FLG: variants seen among roughly 807,000 people sequenced by gnomAD.
The protein encoded by FLG is epidermal filaggrin.
In FLG, 6 loss-of-function variants were observed where a neutral mutation model predicts 3.8. The observed-to-expected ratio is 1.60, with a 90% CI of 0.87 to 3.15. The LOEUF (loss-of-function observed/expected upper bound fraction) is 3.15, where lower values mean the gene tolerates loss of function less well. FLG is among the 30% of genes most tolerant of loss of function. The probability of loss-of-function intolerance (pLI) is 0.00; values close to 1 mark genes in which losing one functional copy is unlikely to be tolerated. For missense variants in FLG, 7,595 were observed against 5,050.9 expected, an observed-to-expected ratio of 1.50 and a Z score of -15.27; for synonymous variants, 2,551 against 1,931.6, an observed-to-expected ratio of 1.32 and a Z score of -8.41.
rs111791016 is a variant in FLG at position 152,312,937 on chromosome 1, T to C, written c.1949A>G (p.Gln650Arg). The C allele has an allele frequency of 3.7e-4, 594 of 1,613,958 alleles. 9 individuals are homozygous for C. The African/African-American group carries it at 5.7e-3, about 15-fold the overall frequency. Residue 650 changes from glutamine (Q) to arginine (R), a missense_variant, in exon 3 of 3, where the codon CAG becomes CGG. Coordinates refer to ENST00000368799, the MANE Select transcript of FLG (RefSeq NM_002016.2). ...TCTGGAGCCATCTCTTGACTGCTCC[T>C]GAGCAGATCCATGATGGTTTCTGGA... ...SASRNHHGSA[Q>R]EQSRDGSRHP...
chr1:152,307,138 C>A lies in FLG; in HGVS notation c.7748G>T (p.Trp2583Leu), dbSNP rs768003809. Residue 2583 changes from tryptophan (W) to leucine (L), a missense_variant, in exon 3 of 3, where the codon TGG (tryptophan) becomes TTG (leucine). Transcript: ENST00000368799. ...SQGHSEDSER[W>L]SGSASRNHHG... The stretch of plus-strand genomic sequence containing the variant: ...ATGGTTTCTGGAAGCAGACCCAGAC[C>A]ACCTCTCAGAGTCTTCTGAGTGTCC... 7.4e-6 allele frequency: 12 copies of A among 1,612,372 alleles called. No individual in the cohort carries two copies. Among genetic ancestry groups the A allele is most frequent in the Non-Finnish European group, 8.5e-6 (10 of 1,179,944 alleles).
At position 152,305,255 on chromosome 1, in the gene FLG, G is replaced by T; in HGVS notation, c.9631C>A (p.Gln3211Lys). The change falls in exon 3 of 3, where the codon CAG becomes AAG. Residue 3211 changes from glutamine to lysine, a missense_variant. Physicochemically the swap from Gln to Lys is moderately conservative, Grantham distance 53 (BLOSUM62 1). Transcript: ENST00000368799. ...QSEGSRRSRR[Q>K]GSSVSQDSDS... ...CTGTCCTGGCTCACACTGGATCCCT[G>T]GCGCCTGCTTCTCCTGGACCCCTCT... The T allele has an allele frequency of 6.2e-7, 1 of 1,612,512 alleles. No individual in the cohort carries two copies. Among genetic ancestry groups the T allele is most frequent in the Non-Finnish European group, 8.5e-7 (1 of 1,179,728 alleles).
Position 152,302,708 on chromosome 1 carries a change from A to G in FLG, c.12178T>C (p.Tyr4060His). Residue 4060 changes from tyrosine to histidine, a missense_variant, in exon 3 of 3, where the codon TAT becomes CAT. Physicochemically the swap from Tyr to His is moderately conservative, Grantham distance 83. Transcript: ENST00000368799. Reference protein sequence around the residue: ...GFSQSQRYYYYE With the variant: ...GFSQSQRYYYHE ...CCTTTGCCATTAATTTCTTACTCAT[A>G]GTAATAGTATCTCTGTGACTGACTA... 1 of 1,613,584 alleles carries G rather than the reference A, an allele frequency of 6.2e-7. No individual in the cohort carries two copies. The highest frequency in any genetic ancestry group is 8.5e-7 in the Non-Finnish European group (1 of 1,179,572).
Position 152,312,894 on chromosome 1 carries a change from G to T in FLG, c.1992C>A (p.His664Gln), listed in dbSNP as rs113652604. ...AGTGCCCATGACCAGCTCTGTCTTC[G>T]TGATGGGACCTGGGGTGTCTGGAGC... ...RDGSRHPRSHHEDRAGHGHSA... is the reference protein window; with the variant it reads ...RDGSRHPRSHQEDRAGHGHSA... The change falls in exon 3 of 3, where the codon CAC becomes CAA. Residue 664 changes from histidine to glutamine, a missense_variant. Coordinates refer to ENST00000368799, the MANE Select transcript of FLG (RefSeq NM_002016.2). 9,136 of 1,613,922 alleles carry T rather than the reference G, an allele frequency of 5.7e-3. 460 individuals are homozygous for T. In the African/African-American group the frequency reaches 0.1, roughly 18 times the overall value.
Position 152,302,840 on chromosome 1 carries a change from T to C in FLG, c.12046A>G (p.Lys4016Glu). ...TGATCTTTACCAAACGCACTTGCTT[T>C]ACAGATATCAGATCTTTCCTTGAAA... ...VVFKERSDICKASAFGKDHPR... is the reference protein window; with the variant it reads ...VVFKERSDICEASAFGKDHPR... Residue 4016 changes from lysine to glutamate, a missense_variant, in exon 3 of 3, where the codon AAA becomes GAA. Physicochemically the swap from Lys to Glu is moderately conservative, Grantham distance 56 (BLOSUM62 1). Coordinates refer to ENST00000368799, the MANE Select transcript of FLG (RefSeq NM_002016.2). 1 of 1,614,214 alleles carries C rather than the reference T, an allele frequency of 6.2e-7. No homozygotes were observed. Among genetic ancestry groups the C allele is most frequent in the African/African-American group, 1.3e-5 (1 of 75,052 alleles).
chr1:152,311,762 C>T lies in FLG; in HGVS notation c.3124G>A (p.Asp1042Asn). 6.2e-7 allele frequency: 1 copy of T among 1,614,144 alleles called. No individual in the cohort carries two copies. Among genetic ancestry groups the T allele is most frequent in the Non-Finnish European group, 8.5e-7 (1 of 1,180,030 alleles). The stretch of plus-strand genomic sequence containing the variant: ...GGAATGCCTGAGTGTCTGGAGCTGT[C>T]TGCTGACTGCTGGTGGCGGGATCCG... ...RHGSRHQQSA[D>N]SSRHSGIPRR... Residue 1042 changes from aspartate to asparagine, a missense_variant, in exon 3 of 3, where the codon GAC becomes AAC. By Grantham distance (23) the Asp-to-Asn change is conservative. Coordinates refer to ENST00000368799, the MANE Select transcript of FLG (RefSeq NM_002016.2).
chr1:152,307,111 T>C lies in FLG; in HGVS notation c.7775A>G (p.His2592Arg), dbSNP rs541398939. The part of the protein sequence containing the change: ...RWSGSASRNH[H>R]GSAQEQLRDG... ...TCTTAGCTGCTCCTGAGCAGATCCA[T>C]GATGGTTTCTGGAAGCAGACCCAGA... The change falls in exon 3 of 3, where the codon CAT (histidine) becomes CGT (arginine). Residue 2592 changes from histidine to arginine, a missense_variant. Transcript: ENST00000368799. The C allele has an allele frequency of 5.9e-5, 95 of 1,611,462 alleles. 2 individuals carry two copies. In the Middle Eastern group the frequency reaches 6.6e-4, roughly 11 times the overall value.
At position 152,308,022 on chromosome 1, in the gene FLG, G is replaced by T. The variant is rs201400047; in HGVS notation, c.6864C>A (p.Asp2288Glu). 1 of 1,614,118 alleles carries T rather than the reference G, an allele frequency of 6.2e-7. No individual in the cohort carries two copies. Among genetic ancestry groups the T allele is most frequent in the South Asian group, 1.1e-5 (1 of 91,086 alleles). Reference protein sequence around the residue: ...GSRHPRSHHEDRAGHGHSAES... With the variant: ...GSRHPRSHHEERAGHGHSAES... The stretch of plus-strand genomic sequence containing the variant: ...CTGCAGAGTGCCCATGACCGGCTCT[G>T]TCTTCGTGATGGGACCTGGGGTGTC... The change falls in exon 3 of 3, where the codon GAC becomes GAA. Residue 2288 changes from aspartate to glutamate, a missense_variant. Coordinates refer to ENST00000368799, the MANE Select transcript of FLG (RefSeq NM_002016.2).
In FLG at chr1:152,308,299, T is replaced by G; in HGVS notation, c.6587A>C (p.Lys2196Thr). The change falls in exon 3 of 3, where the codon AAG becomes ACG. Residue 2196 changes from lysine (K) to threonine (T), a missense_variant. Physicochemically the swap from Lys to Thr is moderately conservative, Grantham distance 78 (BLOSUM62 -1). Transcript: ENST00000368799. ...CCTAGAGCCATCTCCTGATTGTTCCTTGTCATATGTTTTTCTGCTTGCACT... is the reference window on the plus strand; with the variant it reads ...CCTAGAGCCATCTCCTGATTGTTCCGTGTCATATGTTTTTCTGCTTGCACT... ...SRSASRKTYDKEQSGDGSRHS... is the reference protein window; with the variant it reads ...SRSASRKTYDTEQSGDGSRHS... 6.2e-7 allele frequency: 1 copy of G among 1,613,638 alleles called. No homozygotes were observed. Among genetic ancestry groups the G allele is most frequent in the Non-Finnish European group, 8.5e-7 (1 of 1,179,704 alleles).
At position 152,306,015 on chromosome 1, in the gene FLG, A is replaced by G; in HGVS notation, c.8871T>C (p.Thr2957=). Residue 2957 remains threonine (T), a synonymous_variant, in exon 3 of 3, where the codon ACT becomes ACC. Coordinates refer to ENST00000368799, the MANE Select transcript of FLG (RefSeq NM_002016.2). Reference sequence around the variant, plus strand: ...ATGATGCAGCCTGTCCACCAGAGGAAGTCTGTGTGTGACGAGTGCCTGATT... The same window carrying G: ...ATGATGCAGCCTGTCCACCAGAGGAGGTCTGTGTGTGACGAGTGCCTGATT... ...SRQSGTRHTQ[T]SSGGQAASSH... 6.3e-7 allele frequency: 1 copy of G among 1,586,252 alleles called. No homozygotes were observed. Among genetic ancestry groups the G allele is most frequent in the Non-Finnish European group, 8.5e-7 (1 of 1,174,714 alleles).
rs777529436 is a variant in FLG, at chr1:152,309,130, C to A, written c.5756G>T (p.Ser1919Ile). The A allele has an allele frequency of 2.5e-6, 4 of 1,613,646 alleles. No homozygotes were observed. The highest frequency in any genetic ancestry group is 2.5e-6 in the Non-Finnish European group (3 of 1,179,714). Reference protein sequence around the residue: ...RTSRNQGSSVSQDSDSQGHSE... With the variant: ...RTSRNQGSSVIQDSDSQGHSE... Reference sequence around the variant, plus strand: ...GTGTCCCTGACTGTCACTGTCCTGGCTAACACTGGATCCCTGGTTCCTGCT... The same window carrying A: ...GTGTCCCTGACTGTCACTGTCCTGGATAACACTGGATCCCTGGTTCCTGCT... The change falls in exon 3 of 3, where the codon AGC becomes ATC. Residue 1919 changes from serine to isoleucine, a missense_variant. Ser to Ile is a moderately radical substitution (Grantham distance 142). Transcript: ENST00000368799.
In FLG at chr1:152,313,579, G is replaced by A; in HGVS notation, c.1307C>T (p.Ser436Leu). Residue 436 changes from serine to leucine, a missense_variant, in exon 3 of 3, where the codon TCA becomes TTA. By Grantham distance (145) the Ser-to-Leu change is moderately radical. Transcript: ENST00000368799. ...CCCAGCCTTTCCGTGGCCTGACACT[G>A]ATTGTGTGTCTGAGTTTTCTGAATG... ...EGHSENSDTQ[S>L]VSGHGKAGLR... is the part of the protein sequence containing the mutation. The A allele has an allele frequency of 6.2e-7, 1 of 1,614,050 alleles. No homozygotes were observed. The highest frequency in any genetic ancestry group is 2.2e-5 in the East Asian group (1 of 44,846).
Position 152,308,234 on chromosome 1 carries a change from CG to C in FLG, c.6651del (p.Asp2218ThrfsTer201). The C allele has an allele frequency of 6.2e-7, 1 of 1,604,030 alleles. No individual in the cohort carries two copies. Among genetic ancestry groups the C allele is most frequent in the South Asian group, 1.1e-5 (1 of 91,074 alleles). ...GSHHHEASSW[A>X]DSSRHSLVGQ... is the part of the protein sequence containing the mutation. ...CCCACCAGTGAGTGTCTAGAGCTGT[CG>C]GCCCAAGAGGAAGCTTCATGATGAT... On this transcript the variant is annotated frameshift_variant, in exon 3 of 3. Coordinates refer to ENST00000368799, the MANE Select transcript of FLG (RefSeq NM_002016.2). LOFTEE classifies it low-confidence loss of function (END_TRUNC).
rs767893984 is a variant in FLG, at chr1:152,311,764, G to A, written c.3122C>T (p.Ala1041Val). The part of the protein sequence containing the change: ...ERHGSRHQQS[A>V]DSSRHSGIPR... ...AATGCCTGAGTGTCTGGAGCTGTCT[G>A]CTGACTGCTGGTGGCGGGATCCGTG... Residue 1041 changes from alanine to valine, a missense_variant, in exon 3 of 3, where the codon GCA becomes GTA. Coordinates refer to ENST00000368799, the MANE Select transcript of FLG (RefSeq NM_002016.2). 6.2e-7 allele frequency: 1 copy of A among 1,614,054 alleles called. No individual in the cohort carries two copies. The highest frequency in any genetic ancestry group is 1.7e-5 in the Admixed American group (1 of 60,028).
In FLG at chr1:152,307,021, C is replaced by G; in HGVS notation, c.7865G>C (p.Ser2622Thr). The G allele has an allele frequency of 6.3e-7, 1 of 1,599,262 alleles. No individual in the cohort carries two copies. The highest frequency in any genetic ancestry group is 8.5e-7 in the Non-Finnish European group (1 of 1,175,870). Residue 2622 changes from serine to threonine, a missense_variant, in exon 3 of 3, where the codon AGC (serine) becomes ACC (threonine). Coordinates refer to ENST00000368799, the MANE Select transcript of FLG (RefSeq NM_002016.2). ...DRAGHGHSAD[S>T]SRQSGTRHTQ... The stretch of plus-strand genomic sequence containing the variant: ...GTGACGAGTGCCTGATTGTCTGGAG[C>G]TGTCTGCAGAGTGCCCATGACCAGC...
Position 152,311,687 on chromosome 1 carries a change from T to A in FLG, c.3199A>T (p.Ser1067Cys). 1 of 1,614,096 alleles carries A rather than the reference T, an allele frequency of 6.2e-7. No individual in the cohort carries two copies. The highest frequency in any genetic ancestry group is 1.1e-5 in the South Asian group (1 of 91,070). ...TCACTATCACTGGCCTGACTACCAC[T>A]GGACCCCCAGTGTCCACTGTCTCTG... Reference protein sequence around the residue: ...AVRDSGHWGSSGSQASDSEGH... With the variant: ...AVRDSGHWGSCGSQASDSEGH... Residue 1067 changes from serine to cysteine, a missense_variant, in exon 3 of 3, where the codon AGT (serine) becomes TGT (cysteine). By Grantham distance (112) the Ser-to-Cys change is moderately radical. Transcript: ENST00000368799.
Position 152,307,745 on chromosome 1 carries a change from G to A in FLG, c.7141C>T (p.Gln2381Ter). The change falls in exon 3 of 3, where the codon CAG (glutamine) becomes TAG (stop). Residue 2381 changes from glutamine (Q) to a stop codon, truncating the protein, a stop_gained. Coordinates refer to ENST00000368799, the MANE Select transcript of FLG (RefSeq NM_002016.2). LOFTEE classifies it low-confidence loss of function (END_TRUNC). ...SEGHSEDSDT[Q>*]SVSAHGQAGP... Reference sequence around the variant, plus strand: ...GCCTGTCCGTGGGCTGACACTGACTGTGTGTCTGAGTCTTCTGAATGTCCC... The same window carrying A: ...GCCTGTCCGTGGGCTGACACTGACTATGTGTCTGAGTCTTCTGAATGTCCC... 6.2e-7 allele frequency: 1 copy of A among 1,613,386 alleles called. No individual in the cohort carries two copies. The highest frequency in any genetic ancestry group is 8.5e-7 in the Non-Finnish European group (1 of 1,179,774).
At position 152,308,551 on chromosome 1, in the gene FLG, C is replaced by T. The variant is rs143616671; in HGVS notation, c.6335G>A (p.Gly2112Glu). 7.4e-4 allele frequency: 1,199 copies of T among 1,613,964 alleles called. 12 individuals carry two copies. In the African/African-American group the frequency reaches 0.014, roughly 19 times the overall value. Residue 2112 changes from glycine (G) to glutamate (E), a missense_variant, in exon 3 of 3, where the codon GGA becomes GAA. Coordinates refer to ENST00000368799, the MANE Select transcript of FLG (RefSeq NM_002016.2). ...STHGQSAPST[G>E]GRQGSHYDQA... ...ATCATAATGGGATCCTTGTCTTCCT[C>T]CAGTGCTGGGCGCAGACTGTCCATG...
At position 152,303,739 on chromosome 1, in the gene FLG, G is replaced by A. The variant is rs376649222; in HGVS notation, c.11147C>T (p.Thr3716Ile). 8.7e-6 allele frequency: 14 copies of A among 1,613,998 alleles called. No homozygotes were observed. Among genetic ancestry groups the A allele is most frequent in the East Asian group, 2.2e-5 (1 of 44,844 alleles). ...RSGSFLYQVSTHEQSESAHGR... is the reference protein window; with the variant it reads ...RSGSFLYQVSIHEQSESAHGR... ...ATGGGCAGACTCAGACTGTTCATGA[G>A]TGCTCACCTGGTAGAGGAAAGACCC... Residue 3716 changes from threonine (T) to isoleucine (I), a missense_variant, in exon 3 of 3, where the codon ACT becomes ATT. Physicochemically the swap from Thr to Ile is moderately conservative, Grantham distance 89 (BLOSUM62 -1). Transcript: ENST00000368799.
Sources: allele counts gnomAD v4.1 joint callset, GRCh38; gene constraint gnomAD v4.1.1; transcripts MANE v1.5; gene names NCBI Gene and HGNC (gene_info 2026-07-23, HGNC 2026-07-21).